Variants in DNAH2 observed in about 807,000 individuals in gnomAD.
DNAH2 encodes dynein axonemal heavy chain 2, also known as axonemal beta dynein heavy chain 2.
In DNAH2, 323 loss-of-function variants were observed where a neutral mutation model predicts 523.5. The observed-to-expected ratio is 0.62, with a 90% CI of 0.56 to 0.68. The LOEUF is 0.68. Ranked by LOEUF, DNAH2 falls within the 30% of genes least tolerant of loss-of-function variation. The pLI, the probability that DNAH2 is intolerant of heterozygous loss-of-function variation, is 0.00. For synonymous variants in DNAH2, 2,093 were observed against 2,177.4 expected (o/e 0.96, Z 1.08); for missense variants, 4,907 against 5,701.5 (o/e 0.86, Z 4.49).
At chr17:7,765,347 A>T (rs1479154106) in intron 20 of DNAH2, 44 bp from the exon 21 acceptor site, 2 of 1,570,128 alleles carry the variant, frequency 1.3e-6, no homozygotes, top group Non-Finnish European at 1.7e-6. Context: ...ATGAGAGGGC[A>T]GACCTCCTGC....
intron 28 of DNAH2, 126 bp downstream of exon 28, chr17:7,771,594 C>G (rs2076318176): frequency 1.9e-6 from 2 of 1,047,642 alleles, no homozygotes; most frequent in African/African-American, 1.6e-5. Flanking sequence ...ATCTCCATCA[C>G]CTCTTCTAAG....
chr17:7,816,454 A>G, intron 63 of DNAH2, 117 bp from the exon 64 acceptor site: 1 of 1,200,296 alleles, frequency 8.3e-7, no homozygotes, highest in Non-Finnish European at 1.2e-6. Flanking sequence ...AGGCTCAAAG[A>G]GATTAATTTA....
chr17:7,793,497 TTCTTTC>T (rs1567709465), intron 48 of DNAH2, among the ~76,000 whole-genome samples: 11 of 137,646 alleles, frequency 8.0e-5, no homozygotes, highest in African/African-American at 2.8e-4. Flanking sequence ...CTTTCTTTCT[TTCTTTC>T]TTTCTTTCTT....
intron 12 of DNAH2, among the ~76,000 whole-genome samples, chr17:7,751,325 T>C (rs1252483444): frequency 6.6e-6 from 1 of 152,118 alleles, no homozygotes; most frequent in East Asian, 1.9e-4. Flanking sequence ...ACTCCTGACC[T>C]GAAATGATCC....
intron 63 of DNAH2, among the ~76,000 whole-genome samples, chr17:7,814,141 G>T (rs1270109951): frequency 1.6e-5 from 2 of 126,532 alleles, no homozygotes; most frequent in Admixed American, 9.4e-5. Flanking sequence ...GTGCACTTTC[G>T]TTCCTTTTGG....
chr17:7,804,405 A>G lies in DNAH2; in HGVS notation c.9122A>G (p.Gln3041Arg). 6.2e-7 allele frequency: 1 copy of G among 1,614,176 alleles called. No individual in the cohort carries two copies. ...AAGAAGGTGGCTGAGTTCCAGAAGC[A>G]GTGTGAGGAGTACCTGGTCATCATT... ...AKKKVAEFQK[Q>R]CEEYLVIIVQ... The change falls in exon 59 of 86, where the codon CAG becomes CGG. Residue 3041 changes from glutamine (Q) to arginine (R), a missense_variant. Around this residue, in one of 3 missense-constraint regions of DNAH2, gnomAD observed 1,851 missense variants for 2,139.4 expected, o/e 0.87. Coordinates refer to ENST00000572933, the MANE Select transcript of DNAH2 (RefSeq NM_020877.5).
Position 7,760,028 on chromosome 17 carries a change from G to A in DNAH2, c.2785+90G>A. On this transcript the variant is annotated intron_variant, in intron 17 of 85. Coordinates refer to ENST00000572933, the MANE Select transcript of DNAH2 (RefSeq NM_020877.5). The surrounding 1 kb of genome is among the most constrained non-coding windows in gnomAD (Gnocchi z 4.0). ...GGAGGAGAGACCAGGGCTATTTCCAGGCATACTGGGCCAGTCACCTCCCTG... is the reference window on the plus strand; with the variant it reads ...GGAGGAGAGACCAGGGCTATTTCCAAGCATACTGGGCCAGTCACCTCCCTG... The A allele has an allele frequency of 6.3e-7, 1 of 1,578,704 alleles. No individual in the cohort carries two copies. The highest frequency in any genetic ancestry group is 2.2e-5 in the East Asian group (1 of 44,514).
In DNAH2 at chr17:7,734,185, A is replaced by G; in HGVS notation, c.631A>G (p.Thr211Ala). 2 of 1,588,476 alleles carry G rather than the reference A, an allele frequency of 1.3e-6. No individual in the cohort carries two copies. The highest frequency in any genetic ancestry group is 1.7e-6 in the Non-Finnish European group (2 of 1,166,712). ...LHKFLACLTD[T>A]RYKLEGHTVL... Reference sequence around the variant, plus strand: ...TCCACAAACTTTCCTTTCCTTAGACACTCGGTACAAACTGGAGGGGCACAC... The same window carrying G: ...TCCACAAACTTTCCTTTCCTTAGACGCTCGGTACAAACTGGAGGGGCACAC... The change falls in exon 6 of 86, where the codon ACT becomes GCT. Residue 211 changes from threonine to alanine, a missense_variant and splice_region_variant. This residue lies in a region of DNAH2 where 2,806 missense variants were observed against 3,190.8 expected (regional missense o/e 0.88). Transcript: ENST00000572933.
In DNAH2 at chr17:7,832,747, C is replaced by T; in HGVS notation, c.12895C>T (p.Gln4299Ter). 1 of 1,614,058 alleles carries T rather than the reference C, an allele frequency of 6.2e-7. No homozygotes were observed. Among genetic ancestry groups the T allele is most frequent in the Non-Finnish European group, 8.5e-7 (1 of 1,180,016 alleles). ...LTAVLQSSAR[Q>*]NNVSVDSLSW... is the part of the protein sequence containing the mutation. The stretch of plus-strand genomic sequence containing the variant: ...TGCTGTGCTGCAGTCTTCAGCTCGC[C>T]AAAACAACGTGAGCAATGTGCAAAG... Residue 4299 changes from glutamine (Q) to a stop codon, truncating the protein, a stop_gained, in exon 83 of 86, where the codon CAA becomes TAA. Coordinates refer to ENST00000572933, the MANE Select transcript of DNAH2 (RefSeq NM_020877.5). LOFTEE classifies it high-confidence loss of function. The surrounding 1 kb of genome is among the most constrained non-coding windows in gnomAD (Gnocchi z 4.3).
chr17:7,823,786 T>C (rs2077936146), intron 74 of DNAH2, 48 bp from the exon 75 acceptor site: 1 of 1,599,966 alleles, frequency 6.3e-7, no homozygotes, highest in Non-Finnish European at 8.5e-7. Context: ...GATTCCCCGC[T>C]CTTCCAGACT....
At chr17:7,722,095 T>C (rs1242106454) in intron 2 of DNAH2, among the ~76,000 whole-genome samples, 1 of 151,924 alleles carries the variant, frequency 6.6e-6, no homozygotes, top group Non-Finnish European at 1.5e-5. Flanking sequence ...GCCTCCCGGA[T>C]TCAAGCAATC....
chr17:7,738,899 A>C (rs1211317404), intron 8 of DNAH2: 1 of 698,608 alleles, frequency 1.4e-6, no homozygotes, highest in Admixed American at 2.0e-5. Flanking sequence ...CTTGCCTTCC[A>C]ATTCAGTCGG....
rs1470361550 is a variant in DNAH2 at position 7,796,452 on chromosome 17, G to T, written c.7675-12G>T. 3 of 1,613,342 alleles carry T rather than the reference G, an allele frequency of 1.9e-6. No homozygotes were observed. In the African/African-American group the frequency reaches 4.0e-5, roughly 22 times the overall value. ...CAGCAGCCCTGGAGAGTGAGCCAGGGTCTGTTTCTAGAAGTCCCAGATCAT... is the reference window on the plus strand; with the variant it reads ...CAGCAGCCCTGGAGAGTGAGCCAGGTTCTGTTTCTAGAAGTCCCAGATCAT... On this transcript the variant is annotated splice_polypyrimidine_tract_variant and intron_variant, in intron 49 of 85. Transcript: ENST00000572933.
intron 12 of DNAH2, among the ~76,000 whole-genome samples, chr17:7,750,519 T>C (rs1213530050): frequency 6.6e-6 from 1 of 152,132 alleles, no homozygotes; most frequent in African/African-American, 2.4e-5. Context: ...GGGAGGTAAA[T>C]CTTTTGAGTT....
At chr17:7,733,036 T>C in intron 4 of DNAH2, 51 bp from the exon 5 acceptor site, 1 of 1,584,168 alleles carries the variant, frequency 6.3e-7, no homozygotes, top group Middle Eastern at 1.9e-4. Flanking sequence ...TGTGACTGGG[T>C]GTCATGGCTG....
chr17:7,832,887 G>A lies in DNAH2; in HGVS notation c.12937G>A (p.Val4313Ile), dbSNP rs748420518. ...SVDSLSWEFIVSTVDDSNLVY... is the reference protein window; with the variant it reads ...SVDSLSWEFIISTVDDSNLVY... ...GGACAGCCTCTCCTGGGAGTTTATC[G>A]TTTCCACTGTGGATGACAGCAACCT... is the stretch of plus-strand genomic sequence containing the variant. The change falls in exon 84 of 86, where the codon GTT becomes ATT. Residue 4313 changes from valine (V) to isoleucine (I), a missense_variant. Coordinates refer to ENST00000572933, the MANE Select transcript of DNAH2 (RefSeq NM_020877.5). The surrounding 1 kb of genome is among the most constrained non-coding windows in gnomAD (Gnocchi z 4.3). The A allele has an allele frequency of 5.0e-6, 8 of 1,614,108 alleles. No homozygotes were observed. The highest frequency in any genetic ancestry group is 3.3e-5 in the Admixed American group (2 of 60,006).
chr17:7,799,015 A>G, intron 55 of DNAH2, 88 bp from the exon 56 acceptor site: 1 of 1,533,974 alleles, frequency 6.5e-7, no homozygotes, highest in Non-Finnish European at 8.8e-7. Context: ...AGCCTGGGAA[A>G]CACTTCGTCA....
Position 7,774,769 on chromosome 17 carries a change from C to T in DNAH2, c.4512C>T (p.Asp1504=). 6.2e-7 allele frequency: 1 copy of T among 1,613,924 alleles called. No individual in the cohort carries two copies. The highest frequency in any genetic ancestry group is 8.5e-7 in the Non-Finnish European group (1 of 1,179,850). Residue 1504 remains aspartate, a synonymous_variant, in exon 29 of 86, where the codon GAC becomes GAT. Transcript: ENST00000572933. ...LRSTHHPGLL[D]TLIEMNTILE... ...CGCTCTTCTTCCCAGGCCTCCTGGA[C>T]ACATTGATAGAAATGAATACAATCC...
chr17:7,761,610 G>A (rs7225009), intron 18 of DNAH2, among the ~76,000 whole-genome samples: 2,807 of 151,312 alleles, frequency 0.019, 99 homozygotes, highest in African/African-American at 0.062. Flanking sequence ...TCAGCCTCCC[G>A]AGTAGCTGGG....
Sources: gnomAD v4.1 joint callset for allele counts (sites outside exome capture counted in the v4.1 genomes callset) on GRCh38, gnomAD v4.1.1 for gene constraint, gnomAD v4.1.1 regional missense constraint, Gnocchi (gnomAD v3.1) non-coding constraint, MANE v1.5 for transcripts, NCBI Gene and HGNC (gene_info 2026-07-23, HGNC 2026-07-21) for gene names.